Variants in CHSY3 observed in about 807,000 individuals in gnomAD.
CHSY3 encodes the protein N-acetylgalactosaminyl-proteoglycan 3-beta-glucuronosyltransferase 3.
A neutral mutation model predicts 67.2 loss-of-function variants in CHSY3; 35 were observed. The observed-to-expected ratio is 0.52, with a 90% CI of 0.40 to 0.69. CHSY3 has a LOEUF of 0.69. CHSY3 is among the 30% of genes least tolerant of loss of function. The pLI is 0.00. For synonymous variants in CHSY3, 474 were observed against 434.7 expected (o/e 1.09, Z -1.12); for missense variants, 1,069 against 1,138.5 (o/e 0.94, Z 0.88).
chr5:129,958,279 G>C (rs1192854480), intron 2 of CHSY3, among the ~76,000 whole-genome samples: 1 of 152,044 alleles, frequency 6.6e-6, no homozygotes, highest in Non-Finnish European at 1.5e-5. Context: ...TGAAAGGCTT[G>C]GTTGATTATT....
intron 2 of CHSY3, among the ~76,000 whole-genome samples, chr5:129,990,805 G>A (rs746701531): frequency 1.1e-4 from 16 of 152,102 alleles, no homozygotes; most frequent in Admixed American, 2.0e-4. Flanking sequence ...CATAGTTCCA[G>A]GGATCAAGAA....
At chr5:130,161,901 G>A (rs1008161337) in intron 2 of CHSY3, among the ~76,000 whole-genome samples, 8 of 151,922 alleles carry the variant, frequency 5.3e-5, no homozygotes, top group Middle Eastern at 3.4e-3. Context: ...TTAGTCAGAT[G>A]TGGTGGTGTG....
chr5:129,926,497 G>A (rs891794377), intron 2 of CHSY3, among the ~76,000 whole-genome samples: 1 of 151,904 alleles, frequency 6.6e-6, no homozygotes, highest in Non-Finnish European at 1.5e-5. Flanking sequence ...ATAAATCCAT[G>A]ATCATTGATT....
chr5:130,055,620 T>C (rs1485522215), intron 2 of CHSY3, among the ~76,000 whole-genome samples: 1 of 152,132 alleles, frequency 6.6e-6, no homozygotes, highest in Non-Finnish European at 1.5e-5. Flanking sequence ...TAAAATAAGA[T>C]GACACATACA....
At chr5:130,018,834 A>G (rs1246261508) in intron 2 of CHSY3, among the ~76,000 whole-genome samples, 1 of 152,164 alleles carries the variant, frequency 6.6e-6, no homozygotes, top group Admixed American at 6.5e-5. Context: ...CTTCTAGGTC[A>G]GTGAGTTCTC....
At chr5:130,115,533 AGAG>A (rs1173452882) in intron 2 of CHSY3, among the ~76,000 whole-genome samples, 3 of 152,202 alleles carry the variant, frequency 2.0e-5, no homozygotes, top group Admixed American at 2.0e-4. Context: ...TCATTCTACT[AGAG>A]CTAGAATTTG....
chr5:129,940,093 A>G (rs978897222), intron 2 of CHSY3, among the ~76,000 whole-genome samples: 6 of 152,088 alleles, frequency 3.9e-5, no homozygotes, highest in African/African-American at 1.4e-4. Context: ...TCCTTTTTCC[A>G]GTTTGGATTA....
chr5:130,028,833 T>C (rs373220333), intron 2 of CHSY3, among the ~76,000 whole-genome samples: 1 of 152,026 alleles, frequency 6.6e-6, no homozygotes, highest in Non-Finnish European at 1.5e-5. Context: ...TCTCTTATTA[T>C]GTTTTATCTC....
intron 2 of CHSY3, among the ~76,000 whole-genome samples, chr5:129,953,143 C>T (rs1236974725): frequency 1.3e-5 from 2 of 152,062 alleles, no homozygotes; most frequent in African/African-American, 4.8e-5. Flanking sequence ...CCCCTACCCC[C>T]AACAGGTCCC....
intron 2 of CHSY3, among the ~76,000 whole-genome samples, chr5:130,095,411 C>T (rs1242485967): frequency 2.6e-5 from 4 of 152,052 alleles, no homozygotes; most frequent in Non-Finnish European, 5.9e-5. Flanking sequence ...ATAAGGGAAC[C>T]GGGGACGAAA....
intron 2 of CHSY3, among the ~76,000 whole-genome samples, chr5:130,081,280 G>T (rs1000653268): frequency 6.6e-6 from 1 of 151,554 alleles, no homozygotes; most frequent in African/African-American, 2.4e-5. Context: ...TCTGTGCTTT[G>T]GGTGGGACAG....
In CHSY3 at chr5:129,904,834, C is replaced by T; in HGVS notation, c.5C>T (p.Ala2Val). M[A>V]VRSRRPWMSV... ...TCCGCGCCCGGGACAGCCGCGATGG[C>T]TGTGCGCTCTCGCCGCCCGTGGATG... Residue 2 changes from alanine to valine, a missense_variant, in exon 1 of 3, where the codon GCT becomes GTT. Transcript: ENST00000305031. 1 of 1,437,186 alleles carries T rather than the reference C, an allele frequency of 7.0e-7. No individual in the cohort carries two copies. The highest frequency in any genetic ancestry group is 9.2e-7 in the Non-Finnish European group (1 of 1,092,666). 89.0% of individuals were successfully genotyped at this position (1,437,186 alleles called of 1,614,324 possible). A position where few individuals can be genotyped will look rare whatever the true frequency, so the allele number is the denominator to read the frequency against.
At chr5:129,986,701 G>A (rs761254732) in intron 2 of CHSY3, among the ~76,000 whole-genome samples, 29 of 152,056 alleles carry the variant, frequency 1.9e-4, no homozygotes, top group Middle Eastern at 3.4e-3. Context: ...AGAGTACAGC[G>A]GCATGTTCTT....
At chr5:129,951,958 G>A (rs546261955) in intron 2 of CHSY3, among the ~76,000 whole-genome samples, 1 of 152,252 alleles carries the variant, frequency 6.6e-6, no homozygotes, top group Non-Finnish European at 1.5e-5. Flanking sequence ...ATACTAGAAG[G>A]AATGACACAA....
chr5:130,081,488 T>C (rs977692533), intron 2 of CHSY3, among the ~76,000 whole-genome samples: 2 of 151,898 alleles, frequency 1.3e-5, no homozygotes, highest in Non-Finnish European at 2.9e-5. Context: ...ATTAGATAGG[T>C]TGTGTAATAT....
intron 2 of CHSY3, among the ~76,000 whole-genome samples, chr5:129,960,136 T>C (rs1762289000): frequency 6.6e-6 from 1 of 152,094 alleles, no homozygotes; most frequent in South Asian, 2.1e-4. Context: ...TTAGCACATC[T>C]TCCTATCATG....
chr5:130,168,666 G>C (rs919621514), intron 2 of CHSY3, among the ~76,000 whole-genome samples: 1 of 152,024 alleles, frequency 6.6e-6, no homozygotes, highest in African/African-American at 2.4e-5. Flanking sequence ...TTGGTTATCA[G>C]CTAGTTTTGG....
chr5:129,948,564 A>G (rs1761932217), intron 2 of CHSY3, among the ~76,000 whole-genome samples: 1 of 152,194 alleles, frequency 6.6e-6, no homozygotes, highest in Admixed American at 6.5e-5. Context: ...CACACACACC[A>G]AAATTTCTTT....
chr5:130,138,196 T>TTTG (rs1768729486), intron 2 of CHSY3, among the ~76,000 whole-genome samples: 5 of 152,166 alleles, frequency 3.3e-5, no homozygotes, highest in Non-Finnish European at 7.4e-5. Flanking sequence ...GGCAGAAGTG[T>TTTG]GGAGCAAAAG....
Sources: gnomAD v4.1 joint callset for allele counts (sites outside exome capture counted in the v4.1 genomes callset) on GRCh38, gnomAD v4.1.1 for gene constraint, MANE v1.5 for transcripts, NCBI Gene and HGNC (gene_info 2026-07-23, HGNC 2026-07-21) for gene names.